Variants in TMEM161B observed in about 807,000 individuals in gnomAD.
The protein encoded by TMEM161B is transmembrane protein 161B.
TMEM161B carries 34 observed loss-of-function variants against 61.8 expected under a neutral mutation model. That is an observed-to-expected ratio of 0.55 (90% CI 0.42 to 0.73). The LOEUF (loss-of-function observed/expected upper bound fraction) is 0.73. Among genes scored for constraint, TMEM161B ranks in the 30% least tolerant of loss-of-function variants. TMEM161B has a pLI of 0.00. For synonymous variants in TMEM161B, 167 were observed against 192.8 expected, an observed-to-expected ratio of 0.87 and a Z score of 1.11; for missense variants, 456 against 558.5, an observed-to-expected ratio of 0.82 and a Z score of 1.85.
intron 1 of TMEM161B, among the ~76,000 whole-genome samples, chr5:88,261,384 T>C (rs1167679184): frequency 6.6e-6 from 1 of 151,714 alleles, no homozygotes; most frequent in East Asian, 1.9e-4. Flanking sequence ...CCAAGCAAGT[T>C]ATTTTAAGGG....
intron 5 of TMEM161B, among the ~76,000 whole-genome samples, chr5:88,211,841 T>C (rs1370591678): frequency 6.7e-6 from 1 of 148,880 alleles, no homozygotes; most frequent in Non-Finnish European, 1.5e-5. Context: ...ATCTGACTAA[T>C]GAAAGTGAGA....
intron 2 of TMEM161B, among the ~76,000 whole-genome samples, chr5:88,238,959 T>C (rs2112644089): frequency 6.6e-6 from 1 of 152,076 alleles, no homozygotes; most frequent in South Asian, 2.1e-4. Flanking sequence ...CCTTAGAACC[T>C]GATATGGCAT....
chr5:88,249,603 AAGG>A (rs1254252510), intron 1 of TMEM161B, among the ~76,000 whole-genome samples: 1 of 152,100 alleles, frequency 6.6e-6, no homozygotes, highest in Admixed American at 6.6e-5. Context: ...ATTTCCAGAG[AAGG>A]AGTAGAGGAA....
intron 11 of TMEM161B, 119 bp downstream of exon 11, chr5:88,197,550 T>C: frequency 3.4e-6 from 3 of 883,116 alleles, no homozygotes; most frequent in Non-Finnish European, 3.5e-6. Context: ...ATGGTTCTTT[T>C]TACAACTTTT....
At chr5:88,211,620 T>C (rs1194514587) in intron 5 of TMEM161B, among the ~76,000 whole-genome samples, 2 of 151,414 alleles carry the variant, frequency 1.3e-5, no homozygotes, top group African/African-American at 4.9e-5. Context: ...TAGCCGGGCG[T>C]GGCGGCGGGC....
At chr5:88,242,483 A>G (rs1361591114) in intron 1 of TMEM161B, among the ~76,000 whole-genome samples, 2 of 151,808 alleles carry the variant, frequency 1.3e-5, no homozygotes, top group East Asian at 1.9e-4. Flanking sequence ...GCACTTAAAA[A>G]TGTTAAAAAA....
chr5:88,196,599 A>C, intron 11 of TMEM161B, 111 bp from the exon 12 acceptor site: 1 of 1,072,002 alleles, frequency 9.3e-7, no homozygotes, highest in East Asian at 2.7e-5. Context: ...GTGGCACAGT[A>C]CATCATTTTA....
chr5:88,197,716 G>A lies in TMEM161B; in HGVS notation c.1139C>T (p.Ala380Val). 1.2e-6 allele frequency: 2 copies of A among 1,612,902 alleles called. No individual in the cohort carries two copies. The highest frequency in any genetic ancestry group is 1.7e-6 in the Non-Finnish European group (2 of 1,179,228). The change falls in exon 11 of 12, where the codon GCG becomes GTG. Residue 380 changes from alanine (A) to valine (V), a missense_variant. Around this residue, in one of 3 missense-constraint regions of TMEM161B, gnomAD observed 367 missense variants for 427.3 expected, o/e 0.86. Coordinates refer to ENST00000296595, the MANE Select transcript of TMEM161B (RefSeq NM_153354.5). ...TGTGTGAAGCAGCATTACCAGAGGC[G>A]CCACATACTGCAGTGCAATGACACA... is the stretch of plus-strand genomic sequence containing the variant. ...YLCVIALQYV[A>V]PLVMLLHTTL...
intron 1 of TMEM161B, among the ~76,000 whole-genome samples, chr5:88,246,545 A>T (rs959470298): frequency 6.6e-6 from 1 of 152,074 alleles, no homozygotes; most frequent in Admixed American, 6.6e-5. Flanking sequence ...TGTACATGCC[A>T]GGGATTAATG....
chr5:88,232,645 C>A (rs1195696486), intron 2 of TMEM161B, among the ~76,000 whole-genome samples: 1 of 152,132 alleles, frequency 6.6e-6, no homozygotes, highest in Non-Finnish European at 1.5e-5. Context: ...ACGATCTTGG[C>A]TGACTGCAAG....
At chr5:88,254,996 G>A (rs1302842605) in intron 1 of TMEM161B, among the ~76,000 whole-genome samples, 2 of 151,862 alleles carry the variant, frequency 1.3e-5, no homozygotes, top group African/African-American at 4.8e-5. Flanking sequence ...AAAATTTGAA[G>A]AATAACCACA....
intron 2 of TMEM161B, among the ~76,000 whole-genome samples, chr5:88,230,874 A>T (rs1750872256): frequency 6.6e-6 from 1 of 152,180 alleles, no homozygotes; most frequent in South Asian, 2.1e-4. Flanking sequence ...TAGCTGCAGG[A>T]TGGAGCTGAT....
At chr5:88,227,008 T>C (rs1750167123) in intron 3 of TMEM161B, among the ~76,000 whole-genome samples, 1 of 152,040 alleles carries the variant, frequency 6.6e-6, no homozygotes, top group South Asian at 2.1e-4. Context: ...ATGCATCTGG[T>C]CCCAGCTACT....
downstream of TMEM161B, among the ~76,000 whole-genome samples, chr5:88,185,629 G>GT (rs1336853037): frequency 6.6e-6 from 1 of 152,100 alleles, no homozygotes. Context: ...AAGCATAAAC[G>GT]TATTTTTAAA....
chr5:88,214,609 C>T lies in TMEM161B; in HGVS notation c.446+5954G>A, dbSNP rs575470071. 2.0e-4 allele frequency among the ~76,000 whole-genome samples: 30 copies of T among 152,218 alleles called. No individual in the cohort carries two copies. The South Asian group carries it at 6.0e-3, about 31-fold the overall frequency. On this transcript the variant is annotated intron_variant, in intron 5 of 11. Coordinates refer to ENST00000296595, the MANE Select transcript of TMEM161B (RefSeq NM_153354.5). Reference sequence around the variant, plus strand: ...TTCATATCCATAAAACCAGTACACACGCCTACAGCAACTCTAAGACTTCAT... The same window carrying T: ...TTCATATCCATAAAACCAGTACACATGCCTACAGCAACTCTAAGACTTCAT...
intron 1 of TMEM161B, among the ~76,000 whole-genome samples, chr5:88,248,051 A>G (rs1176947875): frequency 6.6e-6 from 1 of 152,132 alleles, no homozygotes; most frequent in African/African-American, 2.4e-5. Flanking sequence ...GTAATGCATG[A>G]GTCAAGACAC....
At chr5:88,211,347 G>A (rs1439523292) in intron 5 of TMEM161B, among the ~76,000 whole-genome samples, 6 of 151,324 alleles carry the variant, frequency 4.0e-5, no homozygotes, top group Non-Finnish European at 1.5e-5. Context: ...ATGCATCTTT[G>A]AAATAAGATC....
intron 10 of TMEM161B, chr5:88,198,005 A>T (rs981687310): frequency 1.2e-5 from 4 of 340,188 alleles, no homozygotes; most frequent in Non-Finnish European, 2.2e-5. Context: ...AATAATTCTT[A>T]AATGATGTAT....
At chr5:88,221,552 C>CA (rs1185806231) in intron 4 of TMEM161B, 25 of 365,568 alleles carry the variant, frequency 6.8e-5, no homozygotes, top group Non-Finnish European at 1.3e-4. Flanking sequence ...TTTTGTTCTG[C>CA]AAAAAAGTTT....
Sources: gnomAD v4.1 joint callset for allele counts (sites outside exome capture counted in the v4.1 genomes callset) on GRCh38, gnomAD v4.1.1 for gene constraint, gnomAD v4.1.1 regional missense constraint, MANE v1.5 for transcripts, NCBI Gene and HGNC (gene_info 2026-07-23, HGNC 2026-07-21) for gene names.